SPATS2L: variants seen among roughly 807,000 people sequenced by gnomAD.
SPATS2L encodes spermatogenesis associated serine rich 2 like, also known as SPATS2-like protein.
SPATS2L carries 30 observed loss-of-function variants against 59.6 expected under a neutral mutation model. That is an observed-to-expected ratio of 0.50 (90% CI 0.38 to 0.68). The LOEUF is 0.68. Ranked by LOEUF, SPATS2L falls within the 30% of genes least tolerant of loss-of-function variation. The pLI is 0.00. For missense variants in SPATS2L, 615 were observed against 700.0 expected (o/e 0.88, Z 1.37); for synonymous variants, 252 against 263.5 (o/e 0.96, Z 0.42).
At chr2:200,378,160 C>A in intron 2 of SPATS2L, 2 of 931,084 alleles carry the variant, frequency 2.1e-6, no homozygotes, top group African/African-American at 1.8e-5. Flanking sequence ...GCCACCAACC[C>A]CCTGCTGATT....
chr2:200,458,828 A>G (rs1214293037), intron 8 of SPATS2L, among the ~76,000 whole-genome samples: 1 of 152,168 alleles, frequency 6.6e-6, no homozygotes, highest in East Asian at 1.9e-4. Flanking sequence ...TATAGATGCT[A>G]TAGTAAATTA....
At chr2:200,425,131 C>A (rs1574477124) in intron 6 of SPATS2L, among the ~76,000 whole-genome samples, 3 of 8,792 alleles carry the variant, frequency 3.4e-4, no homozygotes, top group Non-Finnish European at 1.1e-3. Flanking sequence ...TCCCCCCGCC[C>A]CCCCCCCCCC....
chr2:200,440,828 C>T, intron 8 of SPATS2L, 44 bp downstream of exon 8: 2 of 1,598,550 alleles, frequency 1.3e-6, no homozygotes, highest in South Asian at 2.2e-5. Context: ...GATGCTTGAG[C>T]TGTTCCAACA....
intron 2 of SPATS2L, among the ~76,000 whole-genome samples, chr2:200,368,066 A>G (rs1488501629): frequency 1.3e-5 from 2 of 152,258 alleles, no homozygotes; most frequent in African/African-American, 4.8e-5. Context: ...GATTTGTAAC[A>G]GAGCAGAAAC....
intron 2 of SPATS2L, chr2:200,378,223 G>A (rs1030490831): frequency 2.2e-5 from 22 of 1,001,962 alleles, no homozygotes; most frequent in East Asian, 1.1e-4. Flanking sequence ...CTCCACATTC[G>A]TCACTATTGA....
chr2:200,312,563 A>G lies in SPATS2L; in HGVS notation c.-73+5641A>G, dbSNP rs191064801. Among the ~76,000 whole-genome samples, 6 of 152,340 alleles carry G rather than the reference A, an allele frequency of 3.9e-5. No individual in the cohort carries two copies. In the East Asian group the frequency reaches 1.2e-3, roughly 29 times the overall value. ...ATATAAGCATCGCCTATACCAGGCA[A>G]TATCTTATTTAATTATATACATTCT... On this transcript the variant is annotated intron_variant, in intron 1 of 12. Transcript: ENST00000409140.
At chr2:200,395,949 T>A (rs1574382606) in intron 3 of SPATS2L, among the ~76,000 whole-genome samples, 2 of 141,004 alleles carry the variant, frequency 1.4e-5, no homozygotes, top group East Asian at 4.3e-4. Flanking sequence ...GAGCAGATGT[T>A]GCAGTGAGTG....
rs539954597 is a variant in SPATS2L at position 200,417,220 on chromosome 2, C to A, written c.198+792C>A. On this transcript the variant is annotated intron_variant, in intron 5 of 12. Transcript: ENST00000409140. ...CTTCCCAGTGGGGGAAGATCACAGGCCTGCAAAACAGGTTCTGAACAAACA... is the reference window on the plus strand; with the variant it reads ...CTTCCCAGTGGGGGAAGATCACAGGACTGCAAAACAGGTTCTGAACAAACA... Among the ~76,000 whole-genome samples, 181 of 152,230 alleles carry A rather than the reference C, an allele frequency of 1.2e-3. 2 individuals are homozygous for A. The highest frequency in any genetic ancestry group is 3.8e-3 in the African/African-American group (158 of 41,536).
chr2:200,425,261 G>A (rs773966031), intron 6 of SPATS2L, among the ~76,000 whole-genome samples: 12 of 151,660 alleles, frequency 7.9e-5, no homozygotes, highest in Non-Finnish European at 1.8e-4. Flanking sequence ...TGTTGCTGTT[G>A]GTCCTGGCCT....
chr2:200,320,191 G>GT (rs1394855417), intron 1 of SPATS2L, among the ~76,000 whole-genome samples: 2 of 152,052 alleles, frequency 1.3e-5, no homozygotes, highest in Non-Finnish European at 2.9e-5. Flanking sequence ...AAATGCTTTA[G>GT]TAATGAGATC....
intron 2 of SPATS2L, among the ~76,000 whole-genome samples, chr2:200,370,902 A>G (rs2081407359): frequency 6.6e-6 from 1 of 152,216 alleles, no homozygotes; most frequent in African/African-American, 2.4e-5. Context: ...ACCCGAAAGA[A>G]CCTTAATAGG....
chr2:200,332,551 C>A (rs991766799), intron 2 of SPATS2L, among the ~76,000 whole-genome samples: 1 of 152,070 alleles, frequency 6.6e-6, no homozygotes, highest in East Asian at 1.9e-4. Flanking sequence ...CTGGCCCAAA[C>A]TATTTTTTAA....
At chr2:200,389,816 C>T (rs1667240297) in intron 3 of SPATS2L, 1 of 153,032 alleles carries the variant, frequency 6.5e-6, no homozygotes, top group Non-Finnish European at 1.5e-5. Context: ...ATCCCCACTT[C>T]TCATGATTTG....
intron 1 of SPATS2L, among the ~76,000 whole-genome samples, chr2:200,323,374 T>C (rs56914477): frequency 9.2e-5 from 14 of 152,268 alleles, no homozygotes; most frequent in Admixed American, 5.2e-4. Context: ...TGATTAATAA[T>C]GGCTTGAGCC....
intron 2 of SPATS2L, among the ~76,000 whole-genome samples, chr2:200,371,309 A>G (rs2081419275): frequency 6.6e-6 from 1 of 152,164 alleles, no homozygotes; most frequent in Non-Finnish European, 1.5e-5. Flanking sequence ...ACAAGTCTGT[A>G]CTAGGATAGA....
intron 2 of SPATS2L, among the ~76,000 whole-genome samples, chr2:200,382,799 C>A (rs2081866255): frequency 6.6e-6 from 1 of 152,202 alleles, no homozygotes; most frequent in African/African-American, 2.4e-5. Flanking sequence ...ATGTCAAGCA[C>A]TTAGCAGAGT....
intron 1 of SPATS2L, among the ~76,000 whole-genome samples, chr2:200,311,932 G>C (rs1329422798): frequency 6.6e-6 from 1 of 152,162 alleles, no homozygotes; most frequent in Non-Finnish European, 1.5e-5. Flanking sequence ...TAAGGATGGG[G>C]GAAGGGTGCT....
chr2:200,315,832 T>G (rs1177959141), intron 1 of SPATS2L, among the ~76,000 whole-genome samples: 1 of 116,728 alleles, frequency 8.6e-6, no homozygotes, highest in African/African-American at 3.2e-5. Flanking sequence ...GCTAACACGG[T>G]GAAACCCCGT....
chr2:200,330,794 TC>T (rs1328985244), intron 2 of SPATS2L, among the ~76,000 whole-genome samples: 1 of 152,212 alleles, frequency 6.6e-6, no homozygotes, highest in Non-Finnish European at 1.5e-5. Flanking sequence ...ATGAGATGCC[TC>T]CAGCTGCCTG....
Sources: gnomAD v4.1 joint callset for allele counts (sites outside exome capture counted in the v4.1 genomes callset) on GRCh38, gnomAD v4.1.1 for gene constraint, MANE v1.5 for transcripts, NCBI Gene and HGNC (gene_info 2026-07-23, HGNC 2026-07-21) for gene names.